MCFD2: variants seen among roughly 807,000 people sequenced by gnomAD.
The protein encoded by MCFD2 is multiple coagulation factor deficiency protein 2.
A neutral mutation model predicts 12.8 loss-of-function variants in MCFD2; 11 were observed. That is an observed-to-expected ratio of 0.86 (90% CI 0.54 to 1.42). The LOEUF (loss-of-function observed/expected upper bound fraction) is 1.42, where lower values mean the gene tolerates loss of function less well. Among genes scored for constraint, MCFD2 ranks in the 40% most tolerant of loss-of-function variants. MCFD2 has a pLI of 0.00. For missense variants in MCFD2, 191 were observed against 178.6 expected (o/e 1.07, Z -0.40); for synonymous variants, 70 against 68.1 (o/e 1.03, Z -0.14).
At chr2:46,930,731 C>T (rs1412745711) in intron 1 of MCFD2, among the ~76,000 whole-genome samples, 1 of 152,030 alleles carries the variant, frequency 6.6e-6, no homozygotes, top group African/African-American at 2.4e-5. Flanking sequence ...AACTCCTGAC[C>T]TCAGGTGATC....
At chr2:46,927,892 T>TG in intron 1 of MCFD2, among the ~76,000 whole-genome samples, 1 of 127,306 alleles carries the variant, frequency 7.9e-6, no homozygotes, top group East Asian at 2.1e-4. Flanking sequence ...GTGTTTTTTT[T>TG]TTTTTTTTTT....
At chr2:46,915,405 T>G (rs1323513455) in intron 1 of MCFD2, among the ~76,000 whole-genome samples, 1 of 151,934 alleles carries the variant, frequency 6.6e-6, no homozygotes, top group East Asian at 1.9e-4. Flanking sequence ...TCCGGCCCGC[T>G]GCTTTTGGGC....
At chr2:46,935,959 C>T (rs958593716) in intron 1 of MCFD2, among the ~76,000 whole-genome samples, 1 of 151,906 alleles carries the variant, frequency 6.6e-6, no homozygotes, top group Non-Finnish European at 1.5e-5. Flanking sequence ...GGGGTGGTGG[C>T]GTGTGCCTGT....
chr2:46,940,008 G>A lies in MCFD2; in HGVS notation c.-8+1564C>T, dbSNP rs1670200622. Among the ~76,000 whole-genome samples, 1 of 152,180 alleles carries A rather than the reference G, an allele frequency of 6.6e-6. No homozygotes were observed. ...AAATCCTGCCCACCAAACAAGGACT[G>A]GAGCTGCATTTAGAACCCGGAGAGG... On this transcript the variant is annotated intron_variant, in intron 1 of 2. Transcript: ENST00000409147. This position sits in a 1 kb window ranked among gnomAD's most constrained non-coding sequence, Gnocchi z 4.7.
At position 46,941,642 on chromosome 2, in the gene MCFD2, G is replaced by C; in HGVS notation, c.-78C>G. On this transcript the variant is annotated 5_prime_UTR_variant, in exon 1 of 3. Coordinates refer to the MCFD2 transcript ENST00000409147. This position sits in a 1 kb window ranked among gnomAD's most constrained non-coding sequence, Gnocchi z 4.2. Reference sequence around the variant, plus strand: ...TGGGACCGCATGCCGGAGCTGGTCCGGCAGCTGCAGACGCTGAGCATGCCC... The same window carrying C: ...TGGGACCGCATGCCGGAGCTGGTCCCGCAGCTGCAGACGCTGAGCATGCCC... The C allele has an allele frequency of 1.3e-6, 2 of 1,553,162 alleles. No homozygotes were observed. The highest frequency in any genetic ancestry group is 1.7e-6 in the Non-Finnish European group (2 of 1,148,702).
At chr2:46,912,696 G>A (rs1668535387) in intron 1 of MCFD2, 1 of 152,148 alleles carries the variant, frequency 6.6e-6, no homozygotes, top group African/African-American at 2.4e-5. Context: ...GTTTTCTTGT[G>A]TGTGAATGAA....
chr2:46,905,346 G>GT lies in MCFD2; in HGVS notation c.*116dup. On this transcript the variant is annotated 3_prime_UTR_variant, in exon 4 of 4. Coordinates refer to ENST00000319466, the MANE Select transcript of MCFD2 (RefSeq NM_139279.6). ...ACCCCAGTGTAACGAATCGCTACAG[G>GT]TTTTTACCAAAATGCTGCAGCAGTA... 1.7e-6 allele frequency: 2 copies of GT among 1,194,488 alleles called. No individual in the cohort carries two copies. Among genetic ancestry groups the GT allele is most frequent in the Admixed American group, 3.4e-5 (2 of 59,200 alleles). The allele number at this position is 1,194,488 out of a possible 1,614,324, so 74.0% of individuals were successfully genotyped here.
At chr2:46,923,772 C>T (rs1669235922) in intron 1 of MCFD2, among the ~76,000 whole-genome samples, 1 of 151,916 alleles carries the variant, frequency 6.6e-6, no homozygotes, top group African/African-American at 2.4e-5. Flanking sequence ...CACTCTTGTC[C>T]ACCAGGCTGG....
intron 1 of MCFD2, among the ~76,000 whole-genome samples, chr2:46,930,602 C>T (rs186377181): frequency 0.026 from 3,977 of 151,258 alleles, 80 homozygotes; most frequent in Non-Finnish European, 0.043. Context: ...CAGGTTCAAG[C>T]GATTCTCCTG....
At chr2:46,909,231 G>A (rs1029300319) in intron 1 of MCFD2, 54 bp from the exon 2 acceptor site, 16 of 1,567,732 alleles carry the variant, frequency 1.0e-5, no homozygotes, top group Admixed American at 3.7e-5. Context: ...CAAAGGTTTC[G>A]TTCAGGGCTT....
At chr2:46,915,943 C>T (rs1261513818), upstream of MCFD2, 1 of 985,220 alleles carries the variant, frequency 1.0e-6, no homozygotes, top group East Asian at 1.1e-4. Context: ...GTAATCGGCC[C>T]GGGCCCAGCA....
intron 3 of MCFD2, chr2:46,906,083 A>G: frequency 2.2e-6 from 1 of 456,376 alleles, no homozygotes; most frequent in Non-Finnish European, 4.5e-6. Flanking sequence ...ATCTTTGAGG[A>G]GAAAGTATTT....
Position 46,909,174 on chromosome 2 carries a change from A to G in MCFD2, c.-3T>C. The G allele has an allele frequency of 6.2e-6, 10 of 1,613,460 alleles. No individual in the cohort carries two copies. Among genetic ancestry groups the G allele is most frequent in the Non-Finnish European group, 8.5e-6 (10 of 1,179,632 alleles). On this transcript the variant is annotated 5_prime_UTR_variant, in exon 2 of 4. Coordinates refer to ENST00000319466, the MANE Select transcript of MCFD2 (RefSeq NM_139279.6). ...CTGAGCAGGGATCTCATGGTCATCA[A>G]TATCTGTGAGATGGGAAACACAGAA...
At chr2:46,934,142 A>G (rs1374523278) in intron 1 of MCFD2, among the ~76,000 whole-genome samples, 2 of 152,268 alleles carry the variant, frequency 1.3e-5, no homozygotes, top group Non-Finnish European at 2.9e-5. Flanking sequence ...CACCTAAGGT[A>G]CTGTTGACCT....
rs980914930 is a variant in MCFD2, at chr2:46,904,384, G to A, written c.*1079C>T. ...GGTAGATCCACCAACAGCTTGCACC[G>A]TGCACCTGGAAAAGCCGCAGGCACT... is the stretch of plus-strand genomic sequence containing the variant. On this transcript the variant is annotated 3_prime_UTR_variant, in exon 4 of 4. Coordinates refer to ENST00000319466, the MANE Select transcript of MCFD2 (RefSeq NM_139279.6). 3.2e-5 allele frequency: 5 copies of A among 156,994 alleles called. No homozygotes were observed. The highest frequency in any genetic ancestry group is 4.1e-4 in the South Asian group (2 of 4,916). The allele number at this position is 156,994 out of a possible 1,614,324, so 9.7% of individuals were successfully genotyped here. A position where few individuals can be genotyped will look rare whatever the true frequency, so the allele number is the denominator to read the frequency against.
At chr2:46,918,528 C>A (rs919296769), upstream of MCFD2, among the ~76,000 whole-genome samples, 2 of 152,158 alleles carry the variant, frequency 1.3e-5, no homozygotes, top group African/African-American at 2.4e-5. Context: ...GTAGCTGAAC[C>A]CATTCCTAAC....
intron 1 of MCFD2, among the ~76,000 whole-genome samples, chr2:46,936,606 T>G (rs1293838847): frequency 6.6e-6 from 1 of 152,154 alleles, no homozygotes; most frequent in African/African-American, 2.4e-5. Context: ...TCAACCTGTC[T>G]ATGGCTTCCT....
At chr2:46,926,225 A>T (rs1669376116) in intron 1 of MCFD2, among the ~76,000 whole-genome samples, 1 of 152,242 alleles carries the variant, frequency 6.6e-6, no homozygotes, top group Non-Finnish European at 1.5e-5. Flanking sequence ...AGAGTGGAGC[A>T]GTGCTAGATG....
intron 1 of MCFD2, among the ~76,000 whole-genome samples, chr2:46,936,521 G>C (rs1669986700): frequency 6.6e-6 from 1 of 152,116 alleles, no homozygotes; most frequent in Middle Eastern, 3.2e-3. Flanking sequence ...TATGAGGCTG[G>C]GGGGTCCTGA....
Sources: gnomAD v4.1 joint callset for allele counts (sites outside exome capture counted in the v4.1 genomes callset) on GRCh38, gnomAD v4.1.1 for gene constraint, Gnocchi (gnomAD v3.1) non-coding constraint, MANE v1.5 for transcripts, NCBI Gene and HGNC (gene_info 2026-07-23, HGNC 2026-07-21) for gene names.